The following UAP1 variants were observed in gnomAD, a reference collection of about 807,000 sequenced individuals.
The protein encoded by UAP1 is UDP-N-acetylglucosamine pyrophosphorylase 1.
UAP1 carries 25 observed loss-of-function variants against 58.5 expected under a neutral mutation model. The ratio of observed to expected loss-of-function variants is 0.43; its 90% confidence interval spans 0.31 to 0.60. The LOEUF (loss-of-function observed/expected upper bound fraction) is 0.60, where lower values mean the gene tolerates loss of function less well. Among genes scored for constraint, UAP1 ranks in the 20% least tolerant of loss-of-function variants. The pLI is 0.11. For synonymous variants in UAP1, 208 were observed against 213.0 expected (o/e 0.98, Z 0.21); for missense variants, 575 against 630.0 (o/e 0.91, Z 0.93).
chr1:162,566,289 G>A lies in UAP1; in HGVS notation c.221G>A (p.Arg74Gln), dbSNP rs770874357. Reference sequence around the variant, plus strand: ...GATGCACGAATGGAACCTGTGCCTCGAGAGGTATTAGGCAGTGCTACAAGG... The same window carrying A: ...GATGCACGAATGGAACCTGTGCCTCAAGAGGTATTAGGCAGTGCTACAAGG... Residue 74 changes from arginine (R) to glutamine (Q), a missense_variant, in exon 2 of 11, where the codon CGA becomes CAA. Transcript: ENST00000271469. 15 of 1,614,100 alleles carry A rather than the reference G, an allele frequency of 9.3e-6. No individual in the cohort carries two copies. Among genetic ancestry groups the A allele is most frequent in the Non-Finnish European group, 1.2e-5 (14 of 1,180,012 alleles).
chr1:162,595,505 G>C (rs1386166358), intron 9 of UAP1, among the ~76,000 whole-genome samples: 1 of 152,068 alleles, frequency 6.6e-6, no homozygotes, highest in African/African-American at 2.4e-5. Flanking sequence ...GAGCTCTTGT[G>C]GTAGAATCTG....
exon 6 of UAP1, chr1:162,587,654 G>A (rs971263949): frequency 9.3e-6 from 15 of 1,612,458 alleles, no homozygotes; most frequent in African/African-American, 2.7e-5. Flanking sequence ...TACCATTTCT[G>A]AGAGATGTTG....
intron 10 of UAP1, among the ~76,000 whole-genome samples, chr1:162,598,668 G>T (rs1455880427): frequency 1.3e-5 from 2 of 152,100 alleles, no homozygotes; most frequent in Non-Finnish European, 2.9e-5. Flanking sequence ...TTTTCCTGGA[G>T]ATCTTTGTAT....
chr1:162,593,103 T>A, intron 9 of UAP1: 1 of 374,830 alleles, frequency 2.7e-6, no homozygotes, highest in Non-Finnish European at 4.8e-6. Flanking sequence ...TTTGCACCTT[T>A]AACATAAGCT....
At chr1:162,599,855 A>C (rs1194142775), downstream of UAP1, 2 of 152,278 alleles carry the variant, frequency 1.3e-5, no homozygotes, top group African/African-American at 4.8e-5. Context: ...TTGTACTTGA[A>C]GAAATTATTT....
Position 162,574,312 on chromosome 1 carries a change from T to A in UAP1, c.281-2465T>A, listed in dbSNP as rs147235691. 5.5e-4 allele frequency among the ~76,000 whole-genome samples: 83 copies of A among 152,158 alleles called. 1 individual carries two copies. Among genetic ancestry groups the A allele is most frequent in the African/African-American group, 1.9e-3 (78 of 41,542 alleles). On this transcript the variant is annotated intron_variant, in intron 2 of 10. Transcript: ENST00000271469. The stretch of plus-strand genomic sequence containing the variant: ...TTCACCATGTTGGCCAGGCTGGTCT[T>A]GAACTCCTGACCTCAGGTGATTTAC...
intron 9 of UAP1, among the ~76,000 whole-genome samples, chr1:162,596,915 G>T (rs1024155261): frequency 2.0e-5 from 3 of 152,168 alleles, no homozygotes; most frequent in African/African-American, 7.2e-5. Context: ...ATTGACTTTT[G>T]TGTTAGATAA....
At chr1:162,588,020 C>T (rs1293718943) in intron 6 of UAP1, 13 of 170,324 alleles carry the variant, frequency 7.6e-5, no homozygotes, top group Non-Finnish European at 1.4e-4. Context: ...GTTCACCTTA[C>T]ACCAACTGAA....
chr1:162,595,173 T>G (rs1655544678), intron 9 of UAP1, among the ~76,000 whole-genome samples: 1 of 152,220 alleles, frequency 6.6e-6, no homozygotes, highest in Non-Finnish European at 1.5e-5. Flanking sequence ...TTACATTTGG[T>G]GATGGTAGCT....
At chr1:162,569,165 C>G (rs1296305548) in intron 2 of UAP1, among the ~76,000 whole-genome samples, 1 of 152,184 alleles carries the variant, frequency 6.6e-6, no homozygotes, top group East Asian at 1.9e-4. Context: ...AGTAAGTTAT[C>G]AAAGCGAAGA....
intron 6 of UAP1, 189 bp downstream of exon 6, chr1:162,587,857 A>G (rs1654997781): frequency 1.8e-6 from 1 of 548,230 alleles, no homozygotes; most frequent in African/African-American, 1.9e-5. Flanking sequence ...GGTGGGAATC[A>G]TCGGAGCCCA....
intron 5 of UAP1, among the ~76,000 whole-genome samples, chr1:162,584,441 C>T (rs372524156): frequency 3.3e-5 from 5 of 152,158 alleles, no homozygotes. Context: ...GGGGATGATT[C>T]ATACTGTGGT....
intron 10 of UAP1, among the ~76,000 whole-genome samples, 178 bp downstream of exon 10, chr1:162,598,036 A>C (rs1655713387): frequency 6.6e-6 from 1 of 152,190 alleles, no homozygotes; most frequent in East Asian, 1.9e-4. Context: ...GAATCATCAC[A>C]TTGTATCTGA....
intron 1 of UAP1, among the ~76,000 whole-genome samples, chr1:162,563,001 T>C (rs950374923): frequency 1.3e-5 from 2 of 152,250 alleles, no homozygotes; most frequent in Non-Finnish European, 2.9e-5. Context: ...ATTTTTCATA[T>C]ATTTTGATGC....
Position 162,573,864 on chromosome 1 carries a change from T to TG in UAP1, c.281-2909dup, listed in dbSNP as rs376596286. 4.7e-3 allele frequency among the ~76,000 whole-genome samples: 709 copies of TG among 151,524 alleles called. 5 individuals carry two copies. Among genetic ancestry groups the TG allele is most frequent in the African/African-American group, 0.016 (666 of 41,278 alleles). ...CTGTAGTCTCAGCTGCATAGGAGGC[T>TG]GGGGTGGGAGGATCACTCGAACCCA... On this transcript the variant is annotated intron_variant, in intron 2 of 10. Coordinates refer to ENST00000271469, the Ensembl canonical transcript of UAP1.
intron 7 of UAP1, among the ~76,000 whole-genome samples, chr1:162,589,170 TAAA>T (rs1557977487): frequency 1.8e-4 from 18 of 102,434 alleles, no homozygotes; most frequent in Non-Finnish European, 2.9e-4. Context: ...ATATAATATA[TAAA>T]TATTATATAT....
rs1655230405 is a variant in UAP1, at chr1:162,590,457, A to G, written c.1304A>G (p.Asn435Ser). Residue 435 changes from asparagine to serine, a missense_variant, in exon 8 of 11, where the codon AAT becomes AGT. Coordinates refer to ENST00000271469, the Ensembl canonical transcript of UAP1. ...TCCCTTCATCATTGCTGGGTCCTCA[A>G]TGCAGGGGGCCATTTCATAGATGAA... The G allele has an allele frequency of 1.9e-6, 3 of 1,610,826 alleles. No individual in the cohort carries two copies. Among genetic ancestry groups the G allele is most frequent in the South Asian group, 2.2e-5 (2 of 90,392 alleles).
intron 3 of UAP1, among the ~76,000 whole-genome samples, chr1:162,577,322 G>A (rs1654254395): frequency 6.6e-6 from 1 of 150,960 alleles, no homozygotes; most frequent in Non-Finnish European, 1.5e-5. Context: ...CACACCAGGT[G>A]AAAGCTGCAC....
At chr1:162,586,955 A>G (rs749093174) in intron 5 of UAP1, among the ~76,000 whole-genome samples, 1 of 152,076 alleles carries the variant, frequency 6.6e-6, no homozygotes, top group African/African-American at 2.4e-5. Flanking sequence ...TTTACCTCCT[A>G]CTCAGGTCCC....
Sources: allele counts gnomAD v4.1 joint callset (sites outside exome capture counted in the v4.1 genomes callset), GRCh38; gene constraint gnomAD v4.1.1; transcripts MANE v1.5; gene names NCBI Gene and HGNC (gene_info 2026-07-23, HGNC 2026-07-21).